Variants in RIMS2 observed in about 807,000 individuals in gnomAD.
The protein encoded by RIMS2 is regulating synaptic membrane exocytosis 2, also known as regulating synaptic membrane exocytosis protein 2.
A neutral mutation model predicts 174.4 loss-of-function variants in RIMS2; 59 were observed. The ratio of observed to expected loss-of-function variants is 0.34; its 90% CI spans 0.27 to 0.42. RIMS2 has a LOEUF of 0.42. Ranked by LOEUF, RIMS2 falls within the 10% of genes least tolerant of loss-of-function variation. The pLI is 1.00. For synonymous variants in RIMS2, 606 were observed against 572.5 expected, an observed-to-expected ratio of 1.06 and a Z score of -0.84; for missense variants, 1,620 against 1,666.3, an observed-to-expected ratio of 0.97 and a Z score of 0.48.
intron 19 of RIMS2, among the ~76,000 whole-genome samples, chr8:104,174,863 T>C (rs999555860): frequency 2.6e-5 from 4 of 152,186 alleles, no homozygotes; most frequent in African/African-American, 9.7e-5. Flanking sequence ...TATTAAAGTG[T>C]TTTCAGATTC....
intron 16 of RIMS2, chr8:103,976,383 T>C (rs1269490524): frequency 6.6e-6 from 1 of 152,098 alleles, no homozygotes; most frequent in Non-Finnish European, 1.5e-5. Context: ...CAGTTTTCAA[T>C]CACATATTGA....
intron 15 of RIMS2, among the ~76,000 whole-genome samples, chr8:103,968,201 A>AT (rs200377845): frequency 9.9e-5 from 15 of 151,808 alleles, no homozygotes; most frequent in African/African-American, 3.6e-4. Flanking sequence ...ACCATAGTAC[A>AT]TTTTTTTCCA....
At chr8:103,647,620 A>G (rs1228649730) in intron 1 of RIMS2, among the ~76,000 whole-genome samples, 1 of 152,116 alleles carries the variant, frequency 6.6e-6, no homozygotes, top group Non-Finnish European at 1.5e-5. Flanking sequence ...TGGCCTATTA[A>G]CAGATTCAGT....
intron 2 of RIMS2, among the ~76,000 whole-genome samples, chr8:103,756,238 G>T (rs889485748): frequency 2.0e-5 from 3 of 152,188 alleles, no homozygotes; most frequent in South Asian, 2.1e-4. Context: ...GACCCTGTTT[G>T]CCTGGGTATC....
At chr8:103,828,041 G>A (rs2098802651) in intron 3 of RIMS2, among the ~76,000 whole-genome samples, 2 of 152,100 alleles carry the variant, frequency 1.3e-5, no homozygotes, top group Admixed American at 6.6e-5. Flanking sequence ...GCATTTCTGG[G>A]TTAAATACCA....
intron 3 of RIMS2, among the ~76,000 whole-genome samples, chr8:103,865,319 C>G (rs2099079863): frequency 8.1e-6 from 1 of 122,936 alleles, no homozygotes; most frequent in African/African-American, 3.2e-5. Flanking sequence ...GAGACTTGCT[C>G]TGTCTCCCAG....
chr8:103,668,949 A>G (rs2096710040), intron 1 of RIMS2, among the ~76,000 whole-genome samples: 2 of 152,164 alleles, frequency 1.3e-5, no homozygotes, highest in Admixed American at 1.3e-4. Flanking sequence ...TCTCTTAAAT[A>G]CCAATTTTGT....
chr8:103,632,465 G>T (rs2095953283), intron 1 of RIMS2, among the ~76,000 whole-genome samples: 1 of 152,168 alleles, frequency 6.6e-6, no homozygotes, highest in Admixed American at 6.5e-5. Flanking sequence ...CTTTCGCCCA[G>T]GATGGAGTGA....
At chr8:103,832,365 A>G (rs902581108) in intron 3 of RIMS2, among the ~76,000 whole-genome samples, 1 of 152,112 alleles carries the variant, frequency 6.6e-6, no homozygotes, top group Non-Finnish European at 1.5e-5. Flanking sequence ...ACATGAATAC[A>G]TTGTGGAACT....
intron 3 of RIMS2, among the ~76,000 whole-genome samples, chr8:103,813,852 G>A (rs2388783): frequency 0.16 from 23,929 of 151,978 alleles, 1,993 homozygotes; most frequent in Middle Eastern, 0.24. Context: ...GAATAGTGCC[G>A]CAATAAATAT....
intron 8 of RIMS2, 148 bp downstream of exon 11, chr8:103,916,685 C>A: frequency 1.7e-6 from 1 of 577,402 alleles, no homozygotes; most frequent in Non-Finnish European, 2.9e-6. Context: ...AAAAGCACCA[C>A]ACCAAAAATA....
At chr8:103,912,989 T>TTTTTTTG in intron 6 of RIMS2, among the ~76,000 whole-genome samples, 1 of 148,816 alleles carries the variant, frequency 6.7e-6, no homozygotes, top group Non-Finnish European at 1.5e-5. Flanking sequence ...TTTTTTTTTT[T>TTTTTTTG]TGAGATGGAG....
chr8:104,065,569 A>G (rs2097091776), intron 19 of RIMS2, among the ~76,000 whole-genome samples: 1 of 152,136 alleles, frequency 6.6e-6, no homozygotes, highest in South Asian at 2.1e-4. Flanking sequence ...TTTTAGGAAT[A>G]GTTTCTACAA....
chr8:104,062,999 A>G (rs542029905), intron 19 of RIMS2, among the ~76,000 whole-genome samples: 25 of 152,092 alleles, frequency 1.6e-4, no homozygotes, highest in African/African-American at 5.1e-4. Flanking sequence ...TAATATTTTG[A>G]TTTATGTTCA....
intron 3 of RIMS2, among the ~76,000 whole-genome samples, chr8:103,853,663 T>A (rs2099011503): frequency 6.6e-6 from 1 of 152,170 alleles, no homozygotes; most frequent in African/African-American, 2.4e-5. Context: ...TGATTGTTTT[T>A]GTCAGCCTTG....
At chr8:103,993,115 A>C (rs1249061282) in intron 17 of RIMS2, among the ~76,000 whole-genome samples, 4 of 152,296 alleles carry the variant, frequency 2.6e-5, no homozygotes, top group African/African-American at 9.6e-5. Flanking sequence ...CTGTCTCAAA[A>C]AAATATATAT....
chr8:103,886,286 G>A (rs1258686991), intron 4 of RIMS2, 63 bp downstream of exon 7: 14 of 1,369,922 alleles, frequency 1.0e-5, no homozygotes, highest in Non-Finnish European at 1.4e-5. Flanking sequence ...TTAATAGATT[G>A]CATTTCTGAG....
At chr8:103,925,402 TA>T (rs1240114731) in intron 10 of RIMS2, among the ~76,000 whole-genome samples, 4 of 151,590 alleles carry the variant, frequency 2.6e-5, no homozygotes, top group Non-Finnish European at 4.4e-5. Context: ...AGAAACTCCA[TA>T]GCCTTTTAAA....
intron 1 of RIMS2, among the ~76,000 whole-genome samples, chr8:103,642,446 A>T (rs1301555948): frequency 1.3e-5 from 2 of 152,192 alleles, no homozygotes; most frequent in East Asian, 1.9e-4. Flanking sequence ...TGAGAAACTG[A>T]TAGATTAAGA....
Sources: allele counts gnomAD v4.1 joint callset (sites outside exome capture counted in the v4.1 genomes callset), GRCh38; gene constraint gnomAD v4.1.1; transcripts MANE v1.5; gene names NCBI Gene and HGNC (gene_info 2026-07-23, HGNC 2026-07-21).